Variants in PLAAT3 observed in about 807,000 individuals in gnomAD.
PLAAT3 encodes the protein phospholipase A and acyltransferase 3, also known as Ca-independent phospholipase A1/2.
In PLAAT3, 21 loss-of-function variants were observed where a neutral mutation model predicts 16.7. The ratio of observed to expected loss-of-function variants is 1.26; its 90% CI spans 0.89 to 1.81. The LOEUF (loss-of-function observed/expected upper bound fraction) is 1.81. PLAAT3 is among the 40% of genes most tolerant of loss of function. The pLI is 0.00. For synonymous variants in PLAAT3, 76 were observed against 81.7 expected (o/e 0.93, Z 0.38); for missense variants, 219 against 213.7 (o/e 1.02, Z -0.16).
intron 2 of PLAAT3, among the ~76,000 whole-genome samples, chr11:63,607,960 G>A (rs936234687): frequency 2.0e-5 from 3 of 152,066 alleles, no homozygotes; most frequent in African/African-American, 7.2e-5. Context: ...GCCGAGGCAG[G>A]CAGATCACGA....
chr11:63,582,399 C>G (rs1486003207), intron 4 of PLAAT3, among the ~76,000 whole-genome samples: 4 of 152,258 alleles, frequency 2.6e-5, no homozygotes. Context: ...CTGGGATAGA[C>G]GTGTCCAAGC....
rs1938763465 is a variant in PLAAT3, at chr11:63,614,019, C to T, written c.-5G>A. 6.2e-7 allele frequency: 1 copy of T among 1,612,188 alleles called. No individual in the cohort carries two copies. Reference sequence around the variant, plus strand: ...ACTTACAATGGGCGCACGCATCTTCCCTCGCGGTGTGGACCCTCAAGGCCA... The same window carrying T: ...ACTTACAATGGGCGCACGCATCTTCTCTCGCGGTGTGGACCCTCAAGGCCA... On this transcript the variant is annotated 5_prime_UTR_variant, in exon 2 of 5. Coordinates refer to ENST00000415826, the MANE Select transcript of PLAAT3 (RefSeq NM_001128203.2).
At chr11:63,598,184 C>A (rs763820840) in intron 2 of PLAAT3, 21 bp from the exon 3 acceptor site, 2 of 1,537,602 alleles carry the variant, frequency 1.3e-6, no homozygotes. Flanking sequence ...AAGAACAGGG[C>A]TGTTAGAGGG....
rs148762661 is a variant in PLAAT3 at position 63,593,727 on chromosome 11, G to A, written c.119-3359C>T. ...TCCAAGTAGATAGGACTACAGTGGCGCGTCACCATGCCCGACTAATTTTTG... is the reference window on the plus strand; with the variant it reads ...TCCAAGTAGATAGGACTACAGTGGCACGTCACCATGCCCGACTAATTTTTG... On this transcript the variant is annotated intron_variant, in intron 3 of 4. Transcript: ENST00000415826. Among the ~76,000 whole-genome samples the A allele has an allele frequency of 3.6e-3, 546 of 152,186 alleles. 3 individuals are homozygous for A. The highest frequency in any genetic ancestry group is 0.013 in the African/African-American group (529 of 41,544).
At chr11:63,614,115 G>A (rs758179726) in intron 1 of PLAAT3, 47 bp from the exon 2 acceptor site, 37 of 1,542,312 alleles carry the variant, frequency 2.4e-5, no homozygotes, top group Non-Finnish European at 9.0e-7. Context: ...AGGAAACTGC[G>A]TCTCCAGACC....
At chr11:63,594,464 C>T (rs922912582) in intron 3 of PLAAT3, among the ~76,000 whole-genome samples, 2 of 152,090 alleles carry the variant, frequency 1.3e-5, no homozygotes, top group Non-Finnish European at 2.9e-5. Context: ...AGGTCACTCA[C>T]ATCAAATGCT....
chr11:63,591,982 A>G (rs565813751), intron 3 of PLAAT3, among the ~76,000 whole-genome samples: 1 of 152,256 alleles, frequency 6.6e-6, no homozygotes, highest in African/African-American at 2.4e-5. Flanking sequence ...TTATATCTAG[A>G]TGCCACCCAG....
intron 2 of PLAAT3, among the ~76,000 whole-genome samples, chr11:63,607,814 T>A (rs1389981751): frequency 6.6e-6 from 1 of 150,690 alleles, no homozygotes; most frequent in Non-Finnish European, 1.5e-5. Context: ...CTGTGGTGAG[T>A]GGGAATCTCA....
At chr11:63,575,808 T>C (rs1251249654) in intron 4 of PLAAT3, among the ~76,000 whole-genome samples, 1 of 152,124 alleles carries the variant, frequency 6.6e-6, no homozygotes, top group East Asian at 1.9e-4. Flanking sequence ...TAAACCCTAA[T>C]TATATAAAAG....
intron 2 of PLAAT3, among the ~76,000 whole-genome samples, chr11:63,609,224 G>A (rs1226813586): frequency 6.6e-6 from 1 of 152,214 alleles, no homozygotes; most frequent in Non-Finnish European, 1.5e-5. Flanking sequence ...GCCCTGGGGG[G>A]AAAGCCTGTG....
chr11:63,609,420 A>G (rs1457546692), intron 2 of PLAAT3, among the ~76,000 whole-genome samples: 1 of 152,192 alleles, frequency 6.6e-6, no homozygotes, highest in Non-Finnish European at 1.5e-5. Flanking sequence ...TCTGTACTCT[A>G]TTGCTGTGTG....
intron 1 of PLAAT3, 135 bp from the exon 2 acceptor site, chr11:63,614,203 T>A: frequency 1.4e-6 from 1 of 706,248 alleles, no homozygotes; most frequent in Non-Finnish European, 2.3e-6. Flanking sequence ...TCGCTCCCTT[T>A]AACAACTTTC....
At position 63,584,289 on chromosome 11, in the gene PLAAT3, CT is replaced by C. The variant is rs532324070; in HGVS notation, c.387+5810del. On this transcript the variant is annotated intron_variant, in intron 4 of 4. Transcript: ENST00000415826. ...TCATTGTGAGTATAGCTTCTGGTTGCTTTTTTTTTTTTTTTAAGTACTGTTC... is the reference window on the plus strand; with the variant it reads ...TCATTGTGAGTATAGCTTCTGGTTGCTTTTTTTTTTTTTTAAGTACTGTTC... 7.9e-3 allele frequency among the ~76,000 whole-genome samples: 969 copies of C among 123,334 alleles called. 4 individuals carry two copies. Among genetic ancestry groups the C allele is most frequent in the African/African-American group, 0.016 (526 of 33,792 alleles). The allele number at this position is 123,334 out of a possible 152,430, so 80.9% of individuals were successfully genotyped here.
chr11:63,614,609 G>A (rs149254878), upstream of PLAAT3: 1,123 of 154,058 alleles, frequency 7.3e-3, 8 homozygotes, highest in Non-Finnish European at 0.011. Flanking sequence ...CAGCATCCAG[G>A]AGTCGCACAC....
chr11:63,600,675 T>C (rs1938404163), intron 2 of PLAAT3, among the ~76,000 whole-genome samples: 1 of 152,100 alleles, frequency 6.6e-6, no homozygotes. Flanking sequence ...CGATCTCGGC[T>C]CACTGCAACC....
intron 4 of PLAAT3, among the ~76,000 whole-genome samples, chr11:63,581,860 T>C (rs1937826923): frequency 6.6e-6 from 1 of 152,202 alleles, no homozygotes; most frequent in Admixed American, 6.5e-5. Context: ...GAAAAGAACC[T>C]ATGTTGAAAT....
At chr11:63,576,850 C>A (rs2017669301) in intron 4 of PLAAT3, among the ~76,000 whole-genome samples, 1 of 151,980 alleles carries the variant, frequency 6.6e-6, no homozygotes, top group South Asian at 2.1e-4. Context: ...AACTGAAAAA[C>A]CAAAGTGATA....
At chr11:63,589,986 G>T in intron 4 of PLAAT3, 114 bp downstream of exon 4, 1 of 879,748 alleles carries the variant, frequency 1.1e-6, no homozygotes, top group Non-Finnish European at 1.7e-6. Flanking sequence ...CTCAAGGGCA[G>T]TAATTCTGTC....
At chr11:63,616,021 T>C (rs1031808809), upstream of PLAAT3, among the ~76,000 whole-genome samples, 2 of 152,202 alleles carry the variant, frequency 1.3e-5, no homozygotes, top group African/African-American at 4.8e-5. Flanking sequence ...GTACAACATG[T>C]TGTTTTGAAA....
Sources: gnomAD v4.1 joint callset for allele counts (sites outside exome capture counted in the v4.1 genomes callset) on GRCh38, gnomAD v4.1.1 for gene constraint, MANE v1.5 for transcripts, NCBI Gene and HGNC (gene_info 2026-07-23, HGNC 2026-07-21) for gene names.